Variants in DZANK1 observed in about 807,000 individuals in gnomAD.
DZANK1 encodes double zinc ribbon and ankyrin repeat-containing protein 1.
In DZANK1, 91 loss-of-function variants were observed where a neutral mutation model predicts 94.5. That is an observed-to-expected ratio of 0.96 (90% CI 0.81 to 1.15). DZANK1 has a LOEUF of 1.15. DZANK1 is among the 50% of genes most tolerant of loss of function. The probability of loss-of-function intolerance (pLI) is 0.00; values close to 1 mark genes in which losing one functional copy is unlikely to be tolerated. For synonymous variants in DZANK1, 312 were observed against 325.3 expected (o/e 0.96, Z 0.44); for missense variants, 903 against 916.4 (o/e 0.99, Z 0.19).
At chr20:18,402,184 T>C (rs549504383) in intron 13 of DZANK1, among the ~76,000 whole-genome samples, 42 of 152,024 alleles carry the variant, frequency 2.8e-4, no homozygotes, top group African/African-American at 7.5e-4. Flanking sequence ...CAGGAAAGGC[T>C]CCCCCAACCC....
chr20:18,391,237 C>CT (rs944051231), intron 17 of DZANK1, among the ~76,000 whole-genome samples: 11 of 149,826 alleles, frequency 7.3e-5, no homozygotes, highest in East Asian at 5.8e-4. Flanking sequence ...ATTTCAAGAT[C>CT]TTTTTTTTTT....
chr20:18,405,469 C>A (rs1241119383), intron 13 of DZANK1, among the ~76,000 whole-genome samples: 1 of 152,056 alleles, frequency 6.6e-6, no homozygotes, highest in Admixed American at 6.6e-5. Context: ...CCATTGGAAG[C>A]TATTGAGCAT....
In DZANK1 at chr20:18,437,262, G is replaced by A. The variant is rs546025586; in HGVS notation, c.748-3497C>T. ...ACATAAAAGATAAAGAAAGGAGGAC[G>A]ATACTTAAGCAATGTTAAGAAAAAG... On this transcript the variant is annotated intron_variant, in intron 8 of 20. Coordinates refer to ENST00000262547, the Ensembl canonical transcript of DZANK1. Among the ~76,000 whole-genome samples, 5 of 152,284 alleles carry A rather than the reference G, an allele frequency of 3.3e-5. No individual in the cohort carries two copies. In the South Asian group the frequency reaches 1.0e-3, roughly 32 times the overall value.
rs16979160 is a variant in DZANK1 at position 18,435,152 on chromosome 20, C to G, written c.748-1387G>C. 2.4e-3 allele frequency among the ~76,000 whole-genome samples: 363 copies of G among 152,314 alleles called. 5 individuals carry two copies. The highest frequency in any genetic ancestry group is 0.02 in the Admixed American group (305 of 15,298). On this transcript the variant is annotated intron_variant, in intron 8 of 20. Transcript: ENST00000262547. ...GGGGCTGGAAAACAGCCTTGAGTTT[C>G]AATGTTACCCAGCCAACACACAGAT...
At chr20:18,440,173 G>C (rs111533043) in intron 8 of DZANK1, among the ~76,000 whole-genome samples, 3 of 152,306 alleles carry the variant, frequency 2.0e-5, no homozygotes, top group African/African-American at 7.2e-5. Flanking sequence ...CCAGCCTGCA[G>C]AACTATGAGA....
chr20:18,425,279 G>A (rs1009790605), intron 10 of DZANK1, among the ~76,000 whole-genome samples: 3 of 152,182 alleles, frequency 2.0e-5, no homozygotes, highest in Non-Finnish European at 2.9e-5. Flanking sequence ...GTCAGAGGGC[G>A]CAGTGGCTCA....
chr20:18,447,804 AAGTT>A (rs1405856231), intron 7 of DZANK1, among the ~76,000 whole-genome samples: 2 of 152,150 alleles, frequency 1.3e-5, no homozygotes, highest in Non-Finnish European at 1.5e-5. Context: ...ATAAAAATAA[AAGTT>A]AGTAAGGATA....
chr20:18,432,932 C>CT (rs2058342552), intron 9 of DZANK1: 1 of 152,128 alleles, frequency 6.6e-6, no homozygotes, highest in Non-Finnish European at 1.5e-5. Context: ...ATAACTTTTT[C>CT]TTCCATGTGA....
intron 17 of DZANK1, 42 bp from the exon 18 acceptor site, chr20:18,390,501 T>G (rs370540179): frequency 1.3e-6 from 2 of 1,579,132 alleles, no homozygotes; most frequent in East Asian, 4.5e-5. Flanking sequence ...CACTTCAAAA[T>G]ATTCACTCAA....
chr20:18,406,185 G>A (rs2056953569), intron 13 of DZANK1, among the ~76,000 whole-genome samples: 2 of 152,200 alleles, frequency 1.3e-5, no homozygotes, highest in Non-Finnish European at 2.9e-5. Context: ...CAGTAAACTC[G>A]GGTGGCACGT....
At chr20:18,435,101 A>C (rs189157133) in intron 8 of DZANK1, among the ~76,000 whole-genome samples, 224 of 152,324 alleles carry the variant, frequency 1.5e-3, no homozygotes, top group Non-Finnish European at 2.7e-3. Context: ...GAGAACTGCA[A>C]GAGAGCTCGG....
intron 10 of DZANK1, among the ~76,000 whole-genome samples, chr20:18,419,987 C>G (rs2057700642): frequency 6.6e-6 from 1 of 151,694 alleles, no homozygotes; most frequent in African/African-American, 2.4e-5. Flanking sequence ...TAACACCTTT[C>G]TAGCCAATTG....
intron 13 of DZANK1, among the ~76,000 whole-genome samples, chr20:18,404,268 C>T (rs540493733): frequency 2.0e-5 from 3 of 152,130 alleles, no homozygotes; most frequent in South Asian, 2.1e-4. Flanking sequence ...TAAACCAGTC[C>T]GTGAAGCAAT....
chr20:18,384,185 G>A (rs1372367616), exon 21 of DZANK1: 3 of 360,740 alleles, frequency 8.3e-6, no homozygotes, highest in Admixed American at 4.5e-5. Flanking sequence ...TCAGCCTCTC[G>A]AGTAACTGGG....
intron 19 of DZANK1, 57 bp from the exon 20 acceptor site, chr20:18,385,147 G>A: frequency 6.6e-7 from 1 of 1,516,222 alleles, no homozygotes. Context: ...CAGGAAACTG[G>A]AGAGGATGCA....
At chr20:18,419,520 C>T (rs2148493159) in intron 10 of DZANK1, among the ~76,000 whole-genome samples, 1 of 152,080 alleles carries the variant, frequency 6.6e-6, no homozygotes, top group South Asian at 2.1e-4. Context: ...CAATAAAGAG[C>T]AAATCTTAAA....
At chr20:18,466,557 C>G (rs2059662574) in intron 1 of DZANK1, among the ~76,000 whole-genome samples, 1 of 152,062 alleles carries the variant, frequency 6.6e-6, no homozygotes, top group African/African-American at 2.4e-5. Flanking sequence ...TGCCCATAGT[C>G]GCATTTCCAT....
chr20:18,420,645 CAT>C (rs1309301073), intron 10 of DZANK1: 68 of 201,052 alleles, frequency 3.4e-4, no homozygotes, highest in African/African-American at 1.4e-3. Context: ...ACAGTCCCCA[CAT>C]GTGTCAGCTT....
At chr20:18,453,243 A>G (rs918252057) in intron 5 of DZANK1, among the ~76,000 whole-genome samples, 4 of 152,288 alleles carry the variant, frequency 2.6e-5, no homozygotes, top group Middle Eastern at 3.4e-3. Flanking sequence ...TCAATGTCCA[A>G]CCCTGGTGCA....
Sources: gnomAD v4.1 joint callset for allele counts (sites outside exome capture counted in the v4.1 genomes callset) on GRCh38, gnomAD v4.1.1 for gene constraint, MANE v1.5 for transcripts, NCBI Gene and HGNC (gene_info 2026-07-23, HGNC 2026-07-21) for gene names.